SNTB2: variants seen among roughly 807,000 people sequenced by gnomAD.
SNTB2 encodes syntrophin beta 2, also known as beta-2-syntrophin.
A neutral mutation model predicts 46.2 loss-of-function variants in SNTB2; 34 were observed. The ratio of observed to expected loss-of-function variants is 0.74; its 90% CI spans 0.56 to 0.98. The LOEUF (loss-of-function observed/expected upper bound fraction) is 0.98. Ranked by LOEUF, SNTB2 falls within the 50% of genes least tolerant of loss-of-function variation. The probability of loss-of-function intolerance (pLI) is 0.00; values close to 1 mark genes in which losing one functional copy is unlikely to be tolerated. For synonymous variants in SNTB2, 290 were observed against 312.6 expected, an observed-to-expected ratio of 0.93 and a Z score of 0.76; for missense variants, 603 against 731.4, an observed-to-expected ratio of 0.82 and a Z score of 2.02.
At chr16:69,298,676 C>T (rs1373771800) in intron 5 of SNTB2, among the ~76,000 whole-genome samples, 1 of 152,006 alleles carries the variant, frequency 6.6e-6, no homozygotes, top group Non-Finnish European at 1.5e-5. Flanking sequence ...CATGTGCCAC[C>T]ATGGCTGGCT....
chr16:69,214,651 TGA>T (rs1463932422), intron 1 of SNTB2, among the ~76,000 whole-genome samples: 4 of 148,594 alleles, frequency 2.7e-5, no homozygotes, highest in East Asian at 2.1e-4. Flanking sequence ...CTCAGCCTCC[TGA>T]GTAGCTGGGA....
At chr16:69,258,606 T>A (rs1964801240) in intron 2 of SNTB2, among the ~76,000 whole-genome samples, 1 of 77,288 alleles carries the variant, frequency 1.3e-5, no homozygotes, top group Non-Finnish European at 3.1e-5. Context: ...TTGTTCTTTC[T>A]TTTTTTTTTT....
chr16:69,193,534 G>A (rs1283599007), intron 1 of SNTB2, among the ~76,000 whole-genome samples: 1 of 151,520 alleles, frequency 6.6e-6, no homozygotes, highest in African/African-American at 2.4e-5. Context: ...TCTCCATGTT[G>A]GCCAGGCTGG....
chr16:69,200,500 C>G (rs1964151114), intron 1 of SNTB2, among the ~76,000 whole-genome samples: 1 of 152,094 alleles, frequency 6.6e-6, no homozygotes, highest in Non-Finnish European at 1.5e-5. Context: ...AAAAACAACA[C>G]ATTCGTGATA....
chr16:69,247,022 C>T (rs1012377839), intron 2 of SNTB2, among the ~76,000 whole-genome samples: 10 of 146,144 alleles, frequency 6.8e-5, no homozygotes, highest in Non-Finnish European at 1.3e-4. Context: ...ACAATGTGCA[C>T]ATGTACCCTA....
At chr16:69,298,722 A>T (rs1345268501) in intron 5 of SNTB2, among the ~76,000 whole-genome samples, 1 of 151,798 alleles carries the variant, frequency 6.6e-6, no homozygotes, top group Non-Finnish European at 1.5e-5. Context: ...GGGTTTCGCC[A>T]TGTTGGCCAG....
intron 1 of SNTB2, among the ~76,000 whole-genome samples, chr16:69,205,611 T>C (rs919607790): frequency 2.6e-5 from 4 of 152,160 alleles, no homozygotes; most frequent in Non-Finnish European, 5.9e-5. Context: ...CCTGGATTTG[T>C]GTTCTGGCAT....
At position 69,187,241 on chromosome 16, in the gene SNTB2, G is replaced by A. The variant is rs760867122; in HGVS notation, c.75G>A (p.Ala25=). 1.6e-5 allele frequency: 24 copies of A among 1,469,230 alleles called. No individual in the cohort carries two copies. The Admixed American group carries it at 4.9e-4, about 30-fold the overall frequency. 91.0% of individuals were successfully genotyped at this position (1,469,230 alleles called of 1,614,324 possible). Residue 25 remains alanine (A), a synonymous_variant, in exon 1 of 7, where the codon GCG becomes GCA. Transcript: ENST00000336278. ...AMAVWTRATK[A]GLVELLLRER... is the part of the protein sequence containing the mutation. ...CGGTGTGGACGCGGGCCACCAAAGC[G>A]GGGCTGGTGGAGCTGCTCCTGAGGG...
chr16:69,244,886 T>C (rs1328801728), intron 1 of SNTB2, among the ~76,000 whole-genome samples: 1 of 152,254 alleles, frequency 6.6e-6, no homozygotes, highest in Admixed American at 6.5e-5. Context: ...CTTTACTGGC[T>C]AGCCTAATTC....
At chr16:69,257,394 C>T (rs1964788126) in intron 2 of SNTB2, among the ~76,000 whole-genome samples, 2 of 151,290 alleles carry the variant, frequency 1.3e-5, no homozygotes. Flanking sequence ...TTTTCTTAAG[C>T]CCTTTGGCTG....
At chr16:69,229,271 A>G (rs974632714) in intron 1 of SNTB2, among the ~76,000 whole-genome samples, 6 of 151,978 alleles carry the variant, frequency 3.9e-5, no homozygotes, top group African/African-American at 1.4e-4. Flanking sequence ...CCAGGCTCAG[A>G]TGATCCTCCC....
intron 1 of SNTB2, among the ~76,000 whole-genome samples, chr16:69,206,742 G>A (rs1964223270): frequency 6.6e-6 from 1 of 150,812 alleles, no homozygotes; most frequent in South Asian, 2.1e-4. Context: ...TTGTTAATAA[G>A]GAATTGGCTG....
chr16:69,188,716 G>C (rs1964019398), intron 1 of SNTB2, among the ~76,000 whole-genome samples: 2 of 152,142 alleles, frequency 1.3e-5, no homozygotes, highest in South Asian at 4.1e-4. Flanking sequence ...GTGTTGAAAA[G>C]AATATAAAAG....
At chr16:69,273,458 G>C (rs370740348) in intron 4 of SNTB2, among the ~76,000 whole-genome samples, 1 of 151,878 alleles carries the variant, frequency 6.6e-6, no homozygotes, top group East Asian at 1.9e-4. Context: ...ATTATGCTAA[G>C]TGAAAGAAGC....
At chr16:69,217,772 A>G (rs549284374) in intron 1 of SNTB2, among the ~76,000 whole-genome samples, 1 of 152,116 alleles carries the variant, frequency 6.6e-6, no homozygotes, top group South Asian at 2.1e-4. Context: ...AAGTTTTCTG[A>G]TTTCTTTAGG....
chr16:69,204,112 C>G (rs570229435), intron 1 of SNTB2, among the ~76,000 whole-genome samples: 2 of 151,602 alleles, frequency 1.3e-5, no homozygotes, highest in East Asian at 3.9e-4. Context: ...AGGCTGGTCT[C>G]GAACTTCTGA....
In SNTB2 at chr16:69,210,086, C is replaced by T. The variant is rs535206465; in HGVS notation, c.580+22340C>T. On this transcript the variant is annotated intron_variant, in intron 1 of 6. Coordinates refer to ENST00000336278, the MANE Select transcript of SNTB2 (RefSeq NM_006750.4). The stretch of plus-strand genomic sequence containing the variant: ...TGTTGCCCAGGCTGGAGTGCAATGG[C>T]GCAATCTCAGCTCACCACCATCCGC... Among the ~76,000 whole-genome samples, 10 of 141,614 alleles carry T rather than the reference C, an allele frequency of 7.1e-5. No individual in the cohort carries two copies. The South Asian group carries it at 1.8e-3, about 25-fold the overall frequency. The allele number at this position is 141,614 out of a possible 152,430, so 92.9% of individuals were successfully genotyped here.
chr16:69,242,292 G>A (rs1176747545), intron 1 of SNTB2, among the ~76,000 whole-genome samples: 1 of 152,034 alleles, frequency 6.6e-6, no homozygotes, highest in Non-Finnish European at 1.5e-5. Flanking sequence ...CAGATGTGTC[G>A]GTGTGTGCCT....
chr16:69,195,584 C>T (rs1242331943), intron 1 of SNTB2, among the ~76,000 whole-genome samples: 1 of 151,970 alleles, frequency 6.6e-6, no homozygotes, highest in East Asian at 1.9e-4. Context: ...GATCCAAAGG[C>T]TCAAATTATC....
Sources: gnomAD v4.1 joint callset for allele counts (sites outside exome capture counted in the v4.1 genomes callset) on GRCh38, gnomAD v4.1.1 for gene constraint, MANE v1.5 for transcripts, NCBI Gene and HGNC (gene_info 2026-07-23, HGNC 2026-07-21) for gene names.